Variants in TRAPPC8 observed in about 807,000 individuals in gnomAD.
TRAPPC8 encodes the protein general sporulation gene 1 homolog.
In TRAPPC8, 54 loss-of-function variants were observed where a neutral mutation model predicts 174.3. The ratio of observed to expected loss-of-function variants is 0.31; its 90% CI spans 0.25 to 0.39. TRAPPC8 has a LOEUF of 0.39. Ranked by LOEUF, TRAPPC8 falls within the 10% of genes least tolerant of loss-of-function variation. The pLI is 1.00. For missense variants in TRAPPC8, 1,531 were observed against 1,699.1 expected (o/e 0.90, Z 1.74); for synonymous variants, 630 against 579.9 (o/e 1.09, Z -1.24).
At chr18:31,844,963 G>A (rs1187567350) in intron 26 of TRAPPC8, 1 of 151,802 alleles carries the variant, frequency 6.6e-6, no homozygotes, top group South Asian at 2.1e-4. Context: ...ACCCAAAGAG[G>A]TATTATTCTA....
chr18:31,921,176 AAAATATGAAG>A (rs2145569166), intron 2 of TRAPPC8, among the ~76,000 whole-genome samples: 1 of 152,280 alleles, frequency 6.6e-6, no homozygotes, highest in South Asian at 2.1e-4. Flanking sequence ...CAAAAAAAGG[AAAATATGAAG>A]AGCCATACCT....
chr18:31,873,359 A>T (rs2034982262), intron 14 of TRAPPC8, 71 bp downstream of exon 14: 1 of 1,272,118 alleles, frequency 7.9e-7, no homozygotes, highest in South Asian at 1.3e-5. Flanking sequence ...ATCGTTTTTT[A>T]AATGGAGAAA....
chr18:31,915,032 A>G (rs1403986204), intron 4 of TRAPPC8, among the ~76,000 whole-genome samples: 1 of 152,242 alleles, frequency 6.6e-6, no homozygotes, highest in Non-Finnish European at 1.5e-5. Context: ...AAAACTGGGA[A>G]GCAGAAAAGA....
intron 12 of TRAPPC8, among the ~76,000 whole-genome samples, chr18:31,887,134 A>G (rs903223426): frequency 2.6e-5 from 4 of 152,224 alleles, no homozygotes; most frequent in African/African-American, 9.6e-5. Flanking sequence ...CTTGTCATCA[A>G]AAAGCTTATC....
At chr18:31,831,472 T>C (rs2032365832) in intron 28 of TRAPPC8, among the ~76,000 whole-genome samples, 1 of 152,256 alleles carries the variant, frequency 6.6e-6, no homozygotes, top group Non-Finnish European at 1.5e-5. Flanking sequence ...TATTTAATAG[T>C]TTCTATTCTC....
chr18:31,932,624 G>C (rs533988882), intron 1 of TRAPPC8, among the ~76,000 whole-genome samples: 1 of 152,230 alleles, frequency 6.6e-6, no homozygotes, highest in South Asian at 2.1e-4. Flanking sequence ...ACAGTCCACA[G>C]AACAAAATGT....
chr18:31,860,390 G>C (rs1364158263), intron 19 of TRAPPC8, among the ~76,000 whole-genome samples: 1 of 151,758 alleles, frequency 6.6e-6, no homozygotes, highest in Non-Finnish European at 1.5e-5. Flanking sequence ...AAGATTTAGG[G>C]GGAAAGATTT....
At chr18:31,849,998 G>A (rs992553586) in intron 24 of TRAPPC8, among the ~76,000 whole-genome samples, 1 of 151,610 alleles carries the variant, frequency 6.6e-6, no homozygotes, top group Non-Finnish European at 1.5e-5. Context: ...TGTCATCCAG[G>A]CTGGAGTGCA....
chr18:31,905,773 G>A (rs1401819194), intron 9 of TRAPPC8, among the ~76,000 whole-genome samples: 1 of 152,048 alleles, frequency 6.6e-6, no homozygotes, highest in Non-Finnish European at 1.5e-5. Flanking sequence ...GAATAAATAT[G>A]CCTTTATTTT....
chr18:31,862,778 A>G (rs1212735929), intron 19 of TRAPPC8, among the ~76,000 whole-genome samples: 1 of 152,116 alleles, frequency 6.6e-6, no homozygotes, highest in African/African-American at 2.4e-5. Flanking sequence ...AGAAGAAAGG[A>G]AATAACATCC....
chr18:31,883,003 T>C lies in TRAPPC8; in HGVS notation c.1728+7732A>G, dbSNP rs567369891. ...ACTTTGGGAGGCTGAGGTGGGTGGA[T>C]CACGAGTTCAGGAGTTCGAGACCAG... On this transcript the variant is annotated intron_variant, in intron 12 of 28. Coordinates refer to ENST00000283351, the MANE Select transcript of TRAPPC8 (RefSeq NM_014939.5). Among the ~76,000 whole-genome samples, 230 of 144,750 alleles carry C rather than the reference T, an allele frequency of 1.6e-3. 1 individual carries two copies. In the South Asian group the frequency reaches 0.017, roughly 11 times the overall value. 95.0% of individuals were successfully genotyped at this position (144,750 alleles called of 152,430 possible). A position where few individuals can be genotyped will look rare whatever the true frequency, so the allele number is the denominator to read the frequency against.
intron 11 of TRAPPC8, among the ~76,000 whole-genome samples, chr18:31,892,472 C>A (rs2035995746): frequency 6.6e-6 from 1 of 152,068 alleles, no homozygotes; most frequent in Non-Finnish European, 1.5e-5. Flanking sequence ...CCGATTGTTT[C>A]ATATTTTGTT....
chr18:31,897,739 A>C, intron 11 of TRAPPC8, 47 bp downstream of exon 11: 1 of 1,313,100 alleles, frequency 7.6e-7, no homozygotes, highest in Non-Finnish European at 1.0e-6. Flanking sequence ...CTTTTTAAAA[A>C]AAAAAGAACA....
chr18:31,847,056 T>C (rs981758794), intron 25 of TRAPPC8, among the ~76,000 whole-genome samples: 1 of 152,222 alleles, frequency 6.6e-6, no homozygotes, highest in Non-Finnish European at 1.5e-5. Flanking sequence ...GAGAGATACA[T>C]CATGAAATCC....
At chr18:31,853,232 T>G (rs2033806074) in intron 22 of TRAPPC8, among the ~76,000 whole-genome samples, 1 of 152,258 alleles carries the variant, frequency 6.6e-6, no homozygotes, top group East Asian at 1.9e-4. Flanking sequence ...GAAAATTCCA[T>G]ATTCTAGTCT....
intron 5 of TRAPPC8, among the ~76,000 whole-genome samples, chr18:31,911,599 C>A (rs62093866): frequency 0.23 from 34,595 of 150,862 alleles, 4,788 homozygotes; most frequent in South Asian, 0.52. Context: ...ATTAGCCAGG[C>A]GTGGTGGCGG....
At position 31,905,822 on chromosome 18, in the gene TRAPPC8, C is replaced by T. The variant is rs79407227; in HGVS notation, c.1389+1638G>A. Reference sequence around the variant, plus strand: ...ATTTTCTCTCAAATAGCTACTAATACTTCCAGTTGAATGGCTTAAATGTAG... The same window carrying T: ...ATTTTCTCTCAAATAGCTACTAATATTTCCAGTTGAATGGCTTAAATGTAG... On this transcript the variant is annotated intron_variant, in intron 9 of 28. Coordinates refer to ENST00000283351, the MANE Select transcript of TRAPPC8 (RefSeq NM_014939.5). Among the ~76,000 whole-genome samples the T allele has an allele frequency of 4.4e-3, 665 of 152,282 alleles. 3 individuals carry two copies. Among genetic ancestry groups the T allele is most frequent in the African/African-American group, 0.015 (632 of 41,556 alleles).
At chr18:31,867,355 C>T in intron 17 of TRAPPC8, 47 bp downstream of exon 17, 1 of 1,331,926 alleles carries the variant, frequency 7.5e-7, no homozygotes, top group Non-Finnish European at 1.1e-6. Context: ...TTTGTTTTCA[C>T]CTTACTTTCA....
intron 12 of TRAPPC8, among the ~76,000 whole-genome samples, chr18:31,882,788 T>C (rs2035518328): frequency 1.3e-5 from 2 of 151,530 alleles, no homozygotes; most frequent in South Asian, 4.2e-4. Flanking sequence ...GGCTAATTTT[T>C]GTATTTTTAA....
Sources: allele counts gnomAD v4.1 joint callset (sites outside exome capture counted in the v4.1 genomes callset), GRCh38; gene constraint gnomAD v4.1.1; transcripts MANE v1.5; gene names NCBI Gene and HGNC (gene_info 2026-07-23, HGNC 2026-07-21).